CADPS: variants seen among roughly 807,000 people sequenced by gnomAD.
CADPS encodes the protein calcium-dependent secretion activator 1.
CADPS carries 57 observed loss-of-function variants against 167.3 expected under a neutral mutation model. The ratio of observed to expected loss-of-function variants is 0.34; its 90% CI spans 0.28 to 0.42. The LOEUF is 0.42. Ranked by LOEUF, CADPS falls within the 20% of genes least tolerant of loss-of-function variation. CADPS has a pLI of 1.00. For missense variants in CADPS, 1,414 were observed against 1,738.1 expected, an observed-to-expected ratio of 0.81 and a Z score of 3.32; for synonymous variants, 676 against 635.3, an observed-to-expected ratio of 1.06 and a Z score of -0.96.
At chr3:62,427,380 T>C (rs1183609543) in intron 28 of CADPS, among the ~76,000 whole-genome samples, 1 of 152,144 alleles carries the variant, frequency 6.6e-6, no homozygotes, top group Non-Finnish European at 1.5e-5. Flanking sequence ...ATCATGCTCA[T>C]GATTTAAACT....
chr3:62,416,135 G>C (rs1478802222), intron 28 of CADPS, among the ~76,000 whole-genome samples: 2 of 152,122 alleles, frequency 1.3e-5, no homozygotes, highest in African/African-American at 4.8e-5. Context: ...TGGAGTTGAG[G>C]GCAGGAGATT....
intron 26 of CADPS, among the ~76,000 whole-genome samples, chr3:62,448,922 T>C (rs1234683653): frequency 6.6e-6 from 1 of 152,130 alleles, no homozygotes; most frequent in South Asian, 2.1e-4. Context: ...CCGCTGGATA[T>C]TGAACTTTAA....
At chr3:62,475,049 CATAAT>C (rs1190785710) in intron 23 of CADPS, among the ~76,000 whole-genome samples, 29 of 152,090 alleles carry the variant, frequency 1.9e-4, no homozygotes, top group African/African-American at 7.0e-4. Context: ...TTTAAAATGT[CATAAT>C]ATACAACTAT....
intron 5 of CADPS, among the ~76,000 whole-genome samples, chr3:62,646,520 A>G (rs2150088021): frequency 6.6e-6 from 1 of 152,312 alleles, no homozygotes; most frequent in Non-Finnish European, 1.5e-5. Flanking sequence ...TCAGCACTTT[A>G]AAGAGCCACA....
intron 3 of CADPS, among the ~76,000 whole-genome samples, chr3:62,692,239 A>C (rs1268649342): frequency 6.6e-6 from 1 of 151,990 alleles, no homozygotes; most frequent in Admixed American, 6.6e-5. Flanking sequence ...CTTTTGATTA[A>C]AATTTCAAAA....
chr3:62,859,250 T>C (rs1337581556), intron 1 of CADPS, among the ~76,000 whole-genome samples: 2 of 152,176 alleles, frequency 1.3e-5, no homozygotes, highest in African/African-American at 4.8e-5. Flanking sequence ...AGTAAACACA[T>C]ATTATTAATT....
Position 62,478,518 on chromosome 3 carries a change from C to T in CADPS, c.3174-102G>A. The T allele has an allele frequency of 9.1e-7, 1 of 1,103,184 alleles. No homozygotes were observed. Among genetic ancestry groups the T allele is most frequent in the South Asian group, 1.5e-5 (1 of 68,142 alleles). 68.3% of individuals were successfully genotyped at this position (1,103,184 alleles called of 1,614,324 possible). ...GGGGCTAGAAGGCAAACAGCAGCTT[C>T]AACATACAAAACAACGTGTGTTGGC... On this transcript the variant is annotated intron_variant, in intron 22 of 29. Transcript: ENST00000383710. The surrounding 1 kb of genome is among the most constrained non-coding windows in gnomAD (Gnocchi z 5.7).
Position 62,407,980 on chromosome 3 carries a change from C to A in CADPS, c.3778-4795G>T, listed in dbSNP as rs2048236919. ...GAACCCCTGACCTCAGGTGATCTGC[C>A]CATCTTGGCTTCCCAAAGTGCTGGG... is the stretch of plus-strand genomic sequence containing the variant. On this transcript the variant is annotated intron_variant, in intron 28 of 29. Coordinates refer to ENST00000383710, the MANE Select transcript of CADPS (RefSeq NM_003716.4). Among the ~76,000 whole-genome samples the A allele has an allele frequency of 2.0e-5, 3 of 152,166 alleles. 1 individual carries two copies. The South Asian group carries it at 6.2e-4, about 31-fold the overall frequency.
rs1290938025 is a variant in CADPS, at chr3:62,753,771, C to G, written c.558G>C (p.Val186=). 3 of 1,609,954 alleles carry G rather than the reference C, an allele frequency of 1.9e-6. No homozygotes were observed. Among genetic ancestry groups the G allele is most frequent in the Admixed American group, 1.7e-5 (1 of 59,834 alleles). ...FMNAVQSYYE[V]FLKSDRVARM... ...GGGCCACACGGTCGCTCTTCAGGAA[C>G]ACCTGAGCAAGAACAAGGCCAGGAA... is the stretch of plus-strand genomic sequence containing the variant. Residue 186 remains valine (V), a splice_region_variant and synonymous_variant, in exon 3 of 30, where the codon GTG becomes GTC. Transcript: ENST00000383710. The surrounding 1 kb of genome is among the most constrained non-coding windows in gnomAD (Gnocchi z 4.6).
chr3:62,679,420 G>A (rs776557816), intron 3 of CADPS, among the ~76,000 whole-genome samples: 1 of 151,870 alleles, frequency 6.6e-6, no homozygotes, highest in Non-Finnish European at 1.5e-5. Context: ...CTATAGTCCC[G>A]GCTATAGGAA....
chr3:62,638,107 A>ATATATATATATATATATG (rs1579348080), intron 6 of CADPS, among the ~76,000 whole-genome samples: 4 of 150,332 alleles, frequency 2.7e-5, no homozygotes, highest in African/African-American at 4.9e-5. Flanking sequence ...ATATATATAT[A>ATATATATATATATATATG]GCAATTAATT....
chr3:62,499,108 T>C, intron 18 of CADPS, 54 bp downstream of exon 18: 2 of 1,096,158 alleles, frequency 1.8e-6, no homozygotes, highest in South Asian at 2.8e-5. Context: ...GAAAATCAGC[T>C]CTGCAAGCTC....
At chr3:62,683,514 T>C (rs1291171096) in intron 3 of CADPS, among the ~76,000 whole-genome samples, 1 of 152,102 alleles carries the variant, frequency 6.6e-6, no homozygotes, top group Non-Finnish European at 1.5e-5. Context: ...GTACAGAATG[T>C]TCCTGTCTAT....
At chr3:62,513,705 C>T in intron 16 of CADPS, 2 of 1,579,320 alleles carry the variant, frequency 1.3e-6, no homozygotes, top group Non-Finnish European at 1.7e-6. Flanking sequence ...CTCTCTTTTT[C>T]CCTATAAAAG....
chr3:62,474,770 G>T (rs1036877007), intron 23 of CADPS, among the ~76,000 whole-genome samples: 6 of 152,180 alleles, frequency 3.9e-5, no homozygotes, highest in African/African-American at 1.4e-4. Context: ...AATCTTAAAT[G>T]ATGTTTATTG....
At chr3:62,742,799 T>G (rs935249588) in intron 3 of CADPS, among the ~76,000 whole-genome samples, 1 of 152,150 alleles carries the variant, frequency 6.6e-6, no homozygotes, top group Non-Finnish European at 1.5e-5. Flanking sequence ...CTAAAAAGCT[T>G]CTGCATAGCA....
intron 21 of CADPS, among the ~76,000 whole-genome samples, chr3:62,490,054 G>A (rs1036736752): frequency 1.3e-5 from 2 of 152,070 alleles, no homozygotes; most frequent in African/African-American, 4.8e-5. Flanking sequence ...GTGGAAGGGG[G>A]GCAGAAAAGC....
intron 3 of CADPS, among the ~76,000 whole-genome samples, chr3:62,706,005 C>T (rs1376796205): frequency 2.6e-5 from 4 of 152,102 alleles, no homozygotes; most frequent in African/African-American, 7.3e-5. Context: ...CAAGGCCCTG[C>T]TTTGTGGCTC....
At chr3:62,730,318 G>T (rs1275927815) in intron 3 of CADPS, among the ~76,000 whole-genome samples, 1 of 152,174 alleles carries the variant, frequency 6.6e-6, no homozygotes, top group Non-Finnish European at 1.5e-5. Flanking sequence ...AGAAGGTTAT[G>T]CTACTGGTAT....
Sources: allele counts gnomAD v4.1 joint callset (sites outside exome capture counted in the v4.1 genomes callset), GRCh38; gene constraint gnomAD v4.1.1; non-coding constraint Gnocchi (gnomAD v3.1); transcripts MANE v1.5; gene names NCBI Gene and HGNC (gene_info 2026-07-23, HGNC 2026-07-21).